Variants in VIRMA observed in about 807,000 individuals in gnomAD.
VIRMA encodes vir like m6A methyltransferase associated.
A neutral mutation model predicts 182.4 loss-of-function variants in VIRMA; 65 were observed. The observed-to-expected ratio is 0.36, with a 90% CI of 0.29 to 0.44. VIRMA has a LOEUF of 0.44. Ranked by LOEUF, VIRMA falls within the 20% of genes least tolerant of loss-of-function variation. VIRMA has a pLI of 1.00. For synonymous variants in VIRMA, 709 were observed against 743.1 expected (o/e 0.95, Z 0.75); for missense variants, 1,752 against 2,158.1 (o/e 0.81, Z 3.73).
chr8:94,506,429 G>A (rs1190662549), intron 16 of VIRMA, 71 bp downstream of exon 16: 2 of 935,094 alleles, frequency 2.1e-6, no homozygotes, highest in Non-Finnish European at 3.3e-6. Context: ...ATGAATTAAT[G>A]TGGGGTGAAG....
At position 94,491,720 on chromosome 8, in the gene VIRMA, A is replaced by C; in HGVS notation, c.4998T>G (p.Val1666=). The part of the protein sequence containing the change: ...DFVAAESKEV[V]PQDGIPPPKR... ...TTGGTGGAGGTATTCCATCTTGAGGAACCACTTCTTTACTTTCAGCAGCAA... is the reference window on the plus strand; with the variant it reads ...TTGGTGGAGGTATTCCATCTTGAGGCACCACTTCTTTACTTTCAGCAGCAA... Residue 1666 remains valine (V), a synonymous_variant, in exon 22 of 24, where the codon GTT becomes GTG. Coordinates refer to ENST00000297591, the MANE Select transcript of VIRMA (RefSeq NM_015496.5). 1 of 1,614,160 alleles carries C rather than the reference A, an allele frequency of 6.2e-7. No individual in the cohort carries two copies. Among genetic ancestry groups the C allele is most frequent in the South Asian group, 1.1e-5 (1 of 91,080 alleles).
rs1006797527 is a variant in VIRMA, at chr8:94,489,942, T to C, written c.5281A>G (p.Thr1761Ala). Residue 1761 changes from threonine to alanine, a missense_variant, in exon 23 of 24, where the codon ACA (threonine) becomes GCA (alanine). Around this residue, in one of 11 missense-constraint regions of VIRMA, gnomAD observed 132 missense variants for 173.8 expected, o/e 0.76. Coordinates refer to ENST00000297591, the MANE Select transcript of VIRMA (RefSeq NM_015496.5). ...PLPPLRPLSS[T>A]GYRPSPRDRA... ...ATCAAGTAGCAAGGATGTATACCTG[T>C]AGAACTAAGGGGTCGTAATGGTGGA... The C allele has an allele frequency of 5.6e-6, 9 of 1,612,902 alleles. No individual in the cohort carries two copies. The African/African-American group carries it at 1.2e-4, about 22-fold the overall frequency.
chr8:94,538,863 C>G (rs1466050035), intron 2 of VIRMA, among the ~76,000 whole-genome samples: 1 of 152,102 alleles, frequency 6.6e-6, no homozygotes, highest in African/African-American at 2.4e-5. Context: ...ATTCACCCGT[C>G]TCAGCCTCCC....
At chr8:94,517,663 T>C in intron 10 of VIRMA, 125 bp downstream of exon 10, 1 of 545,722 alleles carries the variant, frequency 1.8e-6, no homozygotes, top group African/African-American at 1.9e-5. Flanking sequence ...AAAAAGTAAT[T>C]TCAGGAAGTT....
chr8:94,492,567 C>A (rs921617824), intron 21 of VIRMA, 85 bp downstream of exon 21: 3 of 1,243,802 alleles, frequency 2.4e-6, no homozygotes, highest in Non-Finnish European at 3.4e-6. Context: ...CCACCGCGCT[C>A]GGCCGCATGT....
At chr8:94,496,797 C>T (rs1233552978) in intron 17 of VIRMA, 1 of 208,616 alleles carries the variant, frequency 4.8e-6, no homozygotes, top group Non-Finnish European at 9.4e-6. Context: ...TAATAAAATG[C>T]TTGCTATAAC....
intron 7 of VIRMA, among the ~76,000 whole-genome samples, chr8:94,528,231 CAA>C (rs11368037): frequency 0.039 from 3,618 of 91,794 alleles, 55 homozygotes; most frequent in African/African-American, 0.087. Context: ...GACTTTGTCT[CAA>C]AAAAAAAAAA....
In VIRMA at chr8:94,526,566, A is replaced by G; in HGVS notation, c.1678T>C (p.Tyr560His). ...GSAILQKCHFYEVLSEIKRLG... is the reference protein window; with the variant it reads ...GSAILQKCHFHEVLSEIKRLG... ...CTTTTAATCTCTGACAAGACTTCAT[A>G]GAAATGGCATTTTTGGAGAATAGCT... Residue 560 changes from tyrosine (Y) to histidine (H), a missense_variant, in exon 8 of 24, where the codon TAT (tyrosine) becomes CAT (histidine). This residue lies in a region of VIRMA where 401 missense variants were observed against 455.1 expected (regional missense o/e 0.88). Transcript: ENST00000297591. 6.2e-7 allele frequency: 1 copy of G among 1,613,700 alleles called. No individual in the cohort carries two copies. The highest frequency in any genetic ancestry group is 2.2e-5 in the East Asian group (1 of 44,880).
intron 6 of VIRMA, among the ~76,000 whole-genome samples, 189 bp from the exon 7 acceptor site, chr8:94,529,531 A>T (rs370141028): frequency 9.2e-5 from 14 of 152,340 alleles, no homozygotes; most frequent in African/African-American, 3.4e-4. Flanking sequence ...GAGCAATAAT[A>T]AAGTATACTG....
intron 1 of VIRMA, among the ~76,000 whole-genome samples, chr8:94,551,217 C>G (rs548861703): frequency 6.6e-6 from 1 of 152,316 alleles, no homozygotes; most frequent in East Asian, 1.9e-4. Context: ...AGCCAAACAC[C>G]TTGATGAAGT....
At chr8:94,518,872 T>C (rs1814653452) in intron 9 of VIRMA, 113 bp downstream of exon 9, 1 of 985,440 alleles carries the variant, frequency 1.0e-6, no homozygotes, top group Admixed American at 2.4e-5. Context: ...TTGTGTTATA[T>C]CAAAACTATA....
intron 16 of VIRMA, among the ~76,000 whole-genome samples, chr8:94,504,240 T>C (rs908265105): frequency 5.3e-5 from 8 of 151,000 alleles, no homozygotes; most frequent in Non-Finnish European, 8.8e-5. Flanking sequence ...AACCTGACAA[T>C]GGCCCGTATC....
intron 20 of VIRMA, among the ~76,000 whole-genome samples, chr8:94,493,364 C>T (rs1813667039): frequency 6.6e-6 from 1 of 152,310 alleles, no homozygotes; most frequent in South Asian, 2.1e-4. Context: ...TTACAATTAT[C>T]ATCACAAGAC....
rs774499600 is a variant in VIRMA, at chr8:94,519,371, C to G, written c.2127G>C (p.Lys709Asn). ...GACCCTTCTGTGACTGTGCAAGAAA[C>G]TTCAAAACATCTTTTGTGGCTTGCA... ...GVLQATKDVL[K>N]FLAQSQKGLL... Residue 709 changes from lysine (K) to asparagine (N), a missense_variant, in exon 9 of 24, where the codon AAG becomes AAC. Coordinates refer to ENST00000297591, the MANE Select transcript of VIRMA (RefSeq NM_015496.5). 6.3e-7 allele frequency: 1 copy of G among 1,578,850 alleles called. No individual in the cohort carries two copies. The highest frequency in any genetic ancestry group is 1.4e-5 in the African/African-American group (1 of 73,142).
intron 1 of VIRMA, among the ~76,000 whole-genome samples, chr8:94,551,582 C>A (rs1246139682): frequency 6.6e-6 from 1 of 152,240 alleles, no homozygotes; most frequent in East Asian, 1.9e-4. Context: ...CATTTACCAT[C>A]TGCCCTATGC....
At chr8:94,536,991 G>GAA in intron 4 of VIRMA, 112 bp downstream of exon 4, 259 of 640,128 alleles carry the variant, frequency 4.0e-4, no homozygotes, top group East Asian at 6.5e-4. Context: ...AAAACACAAA[G>GAA]AAAAAAAAAA....
At chr8:94,540,215 G>A (rs1300925530) in intron 2 of VIRMA, among the ~76,000 whole-genome samples, 1 of 151,798 alleles carries the variant, frequency 6.6e-6, no homozygotes, top group East Asian at 1.9e-4. Flanking sequence ...CCACATAGGA[G>A]ACTAATCAAA....
At chr8:94,528,348 G>GT (rs1249005965) in intron 7 of VIRMA, among the ~76,000 whole-genome samples, 1 of 97,836 alleles carries the variant, frequency 1.0e-5, no homozygotes, top group Non-Finnish European at 2.1e-5. Flanking sequence ...AATGGGGAAA[G>GT]TTAAAAAAAA....
chr8:94,528,000 A>G (rs1278428677), intron 7 of VIRMA, among the ~76,000 whole-genome samples: 1 of 152,174 alleles, frequency 6.6e-6, no homozygotes, highest in Non-Finnish European at 1.5e-5. Context: ...TGGGAGGCCA[A>G]GCCGGGCAGA....
Sources: allele counts gnomAD v4.1 joint callset (sites outside exome capture counted in the v4.1 genomes callset), GRCh38; gene constraint gnomAD v4.1.1; regional missense constraint gnomAD v4.1.1; transcripts MANE v1.5; gene names NCBI Gene and HGNC (gene_info 2026-07-23, HGNC 2026-07-21).